AFF3: variants seen among roughly 807,000 people sequenced by gnomAD.
The protein encoded by AFF3 is AF4/FMR2 family member 3.
In AFF3, 32 loss-of-function variants were observed where a neutral mutation model predicts 129.7. The observed-to-expected ratio is 0.25, with a 90% CI of 0.19 to 0.33. The LOEUF is 0.33. AFF3 is among the 10% of genes least tolerant of loss of function. The pLI is 1.00. For synonymous variants in AFF3, 644 were observed against 635.4 expected (o/e 1.01, Z -0.20); for missense variants, 1,373 against 1,592.0 (o/e 0.86, Z 2.34).
intron 11 of AFF3, among the ~76,000 whole-genome samples, chr2:99,690,000 T>C (rs1192616526): frequency 1.3e-5 from 2 of 149,002 alleles, no homozygotes; most frequent in African/African-American, 2.5e-5. Context: ...GACAGGAGAA[T>C]TGCTTGAACC....
rs1685571233 is a variant in AFF3 at position 99,654,520 on chromosome 2, A to G, written c.1144-4854T>C. On this transcript the variant is annotated intron_variant, in intron 12 of 24. Transcript: ENST00000672756. ...AGGTGACTCATGATTGAAACTTGAAAAAGTACTCATAGTAAACTAGATGAA... is the reference window on the plus strand; with the variant it reads ...AGGTGACTCATGATTGAAACTTGAAGAAGTACTCATAGTAAACTAGATGAA... Among the ~76,000 whole-genome samples the G allele has an allele frequency of 3.9e-5, 6 of 152,364 alleles. No homozygotes were observed. In the South Asian group the frequency reaches 1.2e-3, roughly 32 times the overall value.
At chr2:100,108,582 G>A (rs1246581597) in intron 2 of AFF3, among the ~76,000 whole-genome samples, 10 of 152,144 alleles carry the variant, frequency 6.6e-5, no homozygotes, top group South Asian at 2.1e-4. Flanking sequence ...CTAGAAGCCA[G>A]GGTCATTTCA....
At chr2:99,621,918 G>A (rs1349436262) in intron 13 of AFF3, among the ~76,000 whole-genome samples, 5 of 152,146 alleles carry the variant, frequency 3.3e-5, no homozygotes, top group African/African-American at 4.8e-5. Context: ...CGCAGGCCAC[G>A]GGGAGGAACC....
intron 2 of AFF3, among the ~76,000 whole-genome samples, chr2:100,115,982 A>G (rs756489692): frequency 6.6e-6 from 1 of 152,012 alleles, no homozygotes; most frequent in African/African-American, 2.4e-5. Flanking sequence ...TCTTCTTATA[A>G]TTTTTTTCAA....
chr2:100,126,083 GAATA>G lies in AFF3; in HGVS notation c.-145+3137_-145+3140del, dbSNP rs2105572225. On this transcript the variant is annotated intron_variant, in intron 2 of 24. Coordinates refer to ENST00000672756, the MANE Select transcript of AFF3 (RefSeq NM_001386135.1). ...AGAAAATGCTACCTATTAGATAACT[GAATA>G]AATAGAGCGTGGCCAACTTCTCACA... 2.6e-5 allele frequency among the ~76,000 whole-genome samples: 4 copies of G among 152,320 alleles called. No homozygotes were observed. In the East Asian group the frequency reaches 7.7e-4, roughly 29 times the overall value.
chr2:99,821,641 G>A (rs886616513), intron 8 of AFF3, among the ~76,000 whole-genome samples: 10 of 152,120 alleles, frequency 6.6e-5, no homozygotes, highest in Admixed American at 2.0e-4. Context: ...TGACACAATC[G>A]CTCCTTGTCA....
chr2:99,605,050 C>T (rs769007036), intron 13 of AFF3, among the ~76,000 whole-genome samples: 16 of 152,280 alleles, frequency 1.1e-4, no homozygotes, highest in Non-Finnish European at 1.8e-4. Context: ...TCTGGGAAAG[C>T]GCCCATTCAA....
intron 7 of AFF3, among the ~76,000 whole-genome samples, chr2:99,938,782 TC>T (rs1344733633): frequency 1.3e-5 from 2 of 152,298 alleles, no homozygotes; most frequent in Non-Finnish European, 2.9e-5. Context: ...GACTTGCCAG[TC>T]CCCACAATTA....
At chr2:99,653,597 C>T (rs1685474256) in intron 12 of AFF3, among the ~76,000 whole-genome samples, 1 of 152,220 alleles carries the variant, frequency 6.6e-6, no homozygotes, top group South Asian at 2.1e-4. Context: ...ATTGAGGCAT[C>T]CCAGTGGCGG....
At chr2:99,958,942 T>C (rs1200385976) in intron 7 of AFF3, among the ~76,000 whole-genome samples, 1 of 151,804 alleles carries the variant, frequency 6.6e-6, no homozygotes, top group Non-Finnish European at 1.5e-5. Flanking sequence ...GGGGGGCCCA[T>C]CTCTATAAAA....
intron 18 of AFF3, 103 bp from the exon 19 acceptor site, chr2:99,569,018 CT>C: frequency 9.0e-7 from 1 of 1,105,992 alleles, no homozygotes; most frequent in Non-Finnish European, 1.4e-6. Context: ...TTTAAAAACT[CT>C]GCTTAATGCG....
At chr2:99,660,103 T>C (rs1323975627) in intron 12 of AFF3, among the ~76,000 whole-genome samples, 1 of 152,214 alleles carries the variant, frequency 6.6e-6, no homozygotes, top group Non-Finnish European at 1.5e-5. Flanking sequence ...GTTTGCCAAA[T>C]ACATTCTGGA....
intron 4 of AFF3, among the ~76,000 whole-genome samples, chr2:100,073,201 G>A (rs1361913335): frequency 1.3e-5 from 2 of 152,184 alleles, no homozygotes; most frequent in Non-Finnish European, 2.9e-5. Context: ...TGAGGTTGTT[G>A]CAGACCTAGT....
chr2:99,939,998 T>C (rs1674877279), intron 7 of AFF3, among the ~76,000 whole-genome samples: 1 of 152,234 alleles, frequency 6.6e-6, no homozygotes. Context: ...AAAGTTAATT[T>C]TGGGGAAACA....
At chr2:99,899,298 T>C (rs1694192318) in intron 7 of AFF3, among the ~76,000 whole-genome samples, 1 of 152,168 alleles carries the variant, frequency 6.6e-6, no homozygotes, top group African/African-American at 2.4e-5. Context: ...CAGCTACAGA[T>C]AAATAAAAAT....
intron 16 of AFF3, among the ~76,000 whole-genome samples, chr2:99,584,844 C>G (rs1306172909): frequency 6.6e-6 from 1 of 152,232 alleles, no homozygotes; most frequent in African/African-American, 2.4e-5. Flanking sequence ...TGTTGGTTAT[C>G]ACCGCAAAGA....
chr2:99,743,420 C>T (rs566357368), intron 10 of AFF3, among the ~76,000 whole-genome samples: 2 of 152,234 alleles, frequency 1.3e-5, no homozygotes, highest in African/African-American at 2.4e-5. Context: ...GCTGGCTGGT[C>T]GTGAAACTAA....
At chr2:99,819,195 T>C (rs981280641) in intron 8 of AFF3, among the ~76,000 whole-genome samples, 9 of 152,236 alleles carry the variant, frequency 5.9e-5, no homozygotes, top group Non-Finnish European at 1.2e-4. Context: ...TTCAATTAAA[T>C]CCAAAGTTAT....
chr2:100,038,809 C>T (rs535124314), intron 4 of AFF3, among the ~76,000 whole-genome samples: 42 of 151,804 alleles, frequency 2.8e-4, no homozygotes, highest in Middle Eastern at 3.4e-3. Flanking sequence ...CTGCAACCTC[C>T]GCCACCGGGT....
Sources: gnomAD v4.1 joint callset for allele counts (sites outside exome capture counted in the v4.1 genomes callset) on GRCh38, gnomAD v4.1.1 for gene constraint, MANE v1.5 for transcripts, NCBI Gene and HGNC (gene_info 2026-07-23, HGNC 2026-07-21) for gene names.